Variants in ATP5PB observed in about 807,000 individuals in gnomAD.
The protein encoded by ATP5PB is ATP synthase peripheral stalk subunit b, mitochondrial.
In ATP5PB, 21 loss-of-function variants were observed where a neutral mutation model predicts 34.5. That is an observed-to-expected ratio of 0.61 (90% CI 0.43 to 0.88). The LOEUF (loss-of-function observed/expected upper bound fraction) is 0.88. ATP5PB is among the 40% of genes least tolerant of loss of function. ATP5PB has a pLI of 0.00. For synonymous variants in ATP5PB, 108 were observed against 114.1 expected (o/e 0.95, Z 0.34); for missense variants, 293 against 317.4 (o/e 0.92, Z 0.58).
chr1:111,456,527 T>C, intron 4 of ATP5PB, 103 bp from the exon 5 acceptor site: 2 of 1,421,038 alleles, frequency 1.4e-6, no homozygotes, highest in South Asian at 3.2e-5. Flanking sequence ...TTTGTGGGTG[T>C]TTTTACAAAT....
Position 111,459,488 on chromosome 1 carries a change from A to T in ATP5PB, c.545A>T (p.Tyr182Phe). The change falls in exon 6 of 7, where the codon TAC becomes TTC. Residue 182 changes from tyrosine to phenylalanine, a missense_variant. Tyr to Phe is a conservative substitution (Grantham distance 22). Coordinates refer to ENST00000369722, the MANE Select transcript of ATP5PB (RefSeq NM_001688.5). ...ATTGCTATGGCTTTGGAAGTTACTT[A>T]CCGGGAACGACTGTATAGAGTATAT... is the stretch of plus-strand genomic sequence containing the variant. ...NNIAMALEVT[Y>F]RERLYRVYKE... 2 of 1,610,954 alleles carry T rather than the reference A, an allele frequency of 1.2e-6. No individual in the cohort carries two copies. Among genetic ancestry groups the T allele is most frequent in the Non-Finnish European group, 1.7e-6 (2 of 1,178,302 alleles).
At chr1:111,456,459 T>A (rs1434836987) in intron 4 of ATP5PB, among the ~76,000 whole-genome samples, 171 bp from the exon 5 acceptor site, 2 of 152,260 alleles carry the variant, frequency 1.3e-5, no homozygotes, top group Admixed American at 1.3e-4. Context: ...TCAAAAGATA[T>A]TCTATAGTTA....
At chr1:111,456,483 T>G in intron 4 of ATP5PB, 147 bp from the exon 5 acceptor site, 1 of 1,215,326 alleles carries the variant, frequency 8.2e-7, no homozygotes, top group East Asian at 2.7e-5. Context: ...TGGGCAATTC[T>G]TTTTAAGGAT....
At position 111,461,089 on chromosome 1, in the gene ATP5PB, A is replaced by G; in HGVS notation, c.*95A>G. On this transcript the variant is annotated 3_prime_UTR_variant, in exon 7 of 7. Transcript: ENST00000369722. ...AGTCTTTCTGTGTTGGTGTCTACTG[A>G]AGTTATAGTTTACCCTTCCTAAAAA... The G allele has an allele frequency of 8.6e-7, 1 of 1,160,320 alleles. No homozygotes were observed. The allele number at this position is 1,160,320 out of a possible 1,614,324, so 71.9% of individuals were successfully genotyped here.
chr1:111,457,312 A>AACAC (rs111663185), intron 5 of ATP5PB, among the ~76,000 whole-genome samples: 26,498 of 146,704 alleles, frequency 0.18, 2,785 homozygotes, highest in Non-Finnish European at 0.25. Context: ...GACTCTCTCA[A>AACAC]ACACACACAC....
rs1271096794 is a variant in ATP5PB at position 111,449,664 on chromosome 1, G to T, written c.40+83G>T. 5 of 1,548,304 alleles carry T rather than the reference G, an allele frequency of 3.2e-6. No homozygotes were observed. In the Admixed American group the frequency reaches 7.3e-5, roughly 23 times the overall value. ...GGGGTGACAGGGAGGGGAGAAGGGCGCAGCGACACGGGCCTGAGAGGCGAG... is the reference window on the plus strand; with the variant it reads ...GGGGTGACAGGGAGGGGAGAAGGGCTCAGCGACACGGGCCTGAGAGGCGAG... On this transcript the variant is annotated intron_variant, in intron 1 of 6. Transcript: ENST00000369722.
Position 111,462,028 on chromosome 1 carries a change from A to G in ATP5PB, c.*1034A>G, listed in dbSNP as rs933856239. On this transcript the variant is annotated 3_prime_UTR_variant, in exon 7 of 7. Transcript: ENST00000369722. ...AGAAATATGAAATGGTACAGCCATT[A>G]TGGAAAAGTGTGGTGATTCCTCATA... 6.6e-6 allele frequency: 1 copy of G among 152,216 alleles called. No homozygotes were observed. Among genetic ancestry groups the G allele is most frequent in the Non-Finnish European group, 1.5e-5 (1 of 68,036 alleles). The allele number at this position is 152,216 out of a possible 1,614,324, so 9.4% of individuals were successfully genotyped here. A position where few individuals can be genotyped will look rare whatever the true frequency, so the allele number is the denominator to read the frequency against.
At position 111,454,603 on chromosome 1, in the gene ATP5PB, G is replaced by A. The variant is rs371919313; in HGVS notation, c.223+247G>A. ...AGTAGCTGGGACTTGGCGTGCACCC[G>A]GCTCATTTTTCTATTTTTTTGTAGA... On this transcript the variant is annotated intron_variant, in intron 3 of 6. Coordinates refer to ENST00000369722, the MANE Select transcript of ATP5PB (RefSeq NM_001688.5). 3.7e-3 allele frequency among the ~76,000 whole-genome samples: 559 copies of A among 151,914 alleles called. 5 individuals are homozygous for A. Among genetic ancestry groups the A allele is most frequent in the African/African-American group, 0.013 (529 of 41,428 alleles).
At chr1:111,459,122 T>A (rs559774904) in intron 5 of ATP5PB, among the ~76,000 whole-genome samples, 60 of 152,212 alleles carry the variant, frequency 3.9e-4, no homozygotes, top group Middle Eastern at 3.4e-3. Context: ...TTGAGGTAGG[T>A]TTGTGTGTCA....
In ATP5PB at chr1:111,461,010, T is replaced by C. The variant is rs768269878; in HGVS notation, c.*16T>C. 9 of 1,607,918 alleles carry C rather than the reference T, an allele frequency of 5.6e-6. No homozygotes were observed. In the East Asian group the frequency reaches 1.8e-4, roughly 32 times the overall value. The stretch of plus-strand genomic sequence containing the variant: ...AGTTATGTAAATGTATCTATCCCAA[T>C]TGAGACAGCTAGAAACAGTTGACTG... On this transcript the variant is annotated 3_prime_UTR_variant, in exon 7 of 7. Coordinates refer to ENST00000369722, the MANE Select transcript of ATP5PB (RefSeq NM_001688.5).
At chr1:111,459,037 G>A (rs1653549666) in intron 5 of ATP5PB, among the ~76,000 whole-genome samples, 3 of 152,108 alleles carry the variant, frequency 2.0e-5, no homozygotes, top group Admixed American at 1.3e-4. Context: ...AATCTACAAT[G>A]TATGCACCAT....
rs544527354 is a variant in ATP5PB, at chr1:111,459,772, C to T, written c.693+136C>T. 40 of 902,758 alleles carry T rather than the reference C, an allele frequency of 4.4e-5. No homozygotes were observed. The African/African-American group carries it at 6.3e-4, about 14-fold the overall frequency. 55.9% of individuals were successfully genotyped at this position (902,758 alleles called of 1,614,324 possible). A position where few individuals can be genotyped will look rare whatever the true frequency, so the allele number is the denominator to read the frequency against. On this transcript the variant is annotated intron_variant, in intron 6 of 6. Transcript: ENST00000369722. ...AGCAGTGTAACCCCGGTTTGTTTTT[C>T]TGGATAGTGATAAGCAGGAAGATGC...
chr1:111,456,440 T>C (rs1653474497), intron 4 of ATP5PB, among the ~76,000 whole-genome samples, 190 bp from the exon 5 acceptor site: 1 of 152,272 alleles, frequency 6.6e-6, no homozygotes, highest in East Asian at 1.9e-4. Context: ...TTTTCTATAG[T>C]TTAATCATTC....
chr1:111,456,698 G>A lies in ATP5PB; in HGVS notation c.456G>A (p.Thr152=), dbSNP rs755817721. Residue 152 remains threonine (T), a synonymous_variant, in exon 5 of 7, where the codon ACG becomes ACA. Transcript: ENST00000369722. Reference sequence around the variant, plus strand: ...AACACATCCAGAATGCAATTGATACGGAGAAGTCACAACAGGCACTGGTTC... The same window carrying A: ...AACACATCCAGAATGCAATTGATACAGAGAAGTCACAACAGGCACTGGTTC... ...SIQHIQNAID[T]EKSQQALVQK... The A allele has an allele frequency of 5.3e-5, 86 of 1,613,652 alleles. No homozygotes were observed. Among genetic ancestry groups the A allele is most frequent in the African/African-American group, 6.7e-5 (5 of 75,020 alleles).
At position 111,454,462 on chromosome 1, in the gene ATP5PB, G is replaced by GTT; in HGVS notation, c.223+107_223+108dup. Reference sequence around the variant, plus strand: ...TTTTGTTGTTGTTGTTGTTGTTGTTGTTGTTGTTTTTTGAGACAGGGTATT... The same window carrying GTT: ...TTTTGTTGTTGTTGTTGTTGTTGTTGTTTTGTTGTTTTTTGAGACAGGGTATT... On this transcript the variant is annotated intron_variant, in intron 3 of 6. Coordinates refer to ENST00000369722, the MANE Select transcript of ATP5PB (RefSeq NM_001688.5). The GTT allele has an allele frequency of 6.3e-6, 9 of 1,421,306 alleles. No homozygotes were observed. In the African/African-American group the frequency reaches 1.2e-4, roughly 19 times the overall value. 88.0% of individuals were successfully genotyped at this position (1,421,306 alleles called of 1,614,324 possible).
At chr1:111,453,175 CTA>C (rs1249998833) in intron 2 of ATP5PB, among the ~76,000 whole-genome samples, 2 of 152,064 alleles carry the variant, frequency 1.3e-5, no homozygotes, top group Non-Finnish European at 2.9e-5. Context: ...TATAAAGGGA[CTA>C]GATTTTATTT....
At chr1:111,457,312 A>AACACAC (rs111663185) in intron 5 of ATP5PB, among the ~76,000 whole-genome samples, 3,403 of 146,792 alleles carry the variant, frequency 0.023, 35 homozygotes, top group Non-Finnish European at 0.026. Context: ...GACTCTCTCA[A>AACACAC]ACACACACAC....
chr1:111,456,591 T>C (rs1199607491), intron 4 of ATP5PB, 39 bp from the exon 5 acceptor site: 1 of 1,598,878 alleles, frequency 6.3e-7, no homozygotes. Context: ...TTACCCTTTG[T>C]GCTTTCACTG....
rs1653348118 is a variant in ATP5PB at position 111,451,982 on chromosome 1, TGTG to T, written c.77+2113_77+2115del. 3.9e-5 allele frequency among the ~76,000 whole-genome samples: 6 copies of T among 152,082 alleles called. 2 individuals carry two copies. Among genetic ancestry groups the T allele is most frequent in the African/African-American group, 1.4e-4 (6 of 41,462 alleles). ...AAAATTTTTTAAATTAGCTGGGCAT[TGTG>T]GTGTACACCTGTACTCCCAGCTATT... On this transcript the variant is annotated intron_variant, in intron 2 of 6. Transcript: ENST00000369722.
Sources: allele counts gnomAD v4.1 joint callset (sites outside exome capture counted in the v4.1 genomes callset), GRCh38; gene constraint gnomAD v4.1.1; transcripts MANE v1.5; gene names NCBI Gene and HGNC (gene_info 2026-07-23, HGNC 2026-07-21).